Variants in FOLH1 observed in about 807,000 individuals in gnomAD.
FOLH1 encodes glutamate carboxypeptidase 2.
FOLH1 carries 54 observed loss-of-function variants against 93.9 expected under a neutral mutation model. The ratio of observed to expected loss-of-function variants is 0.57; its 90% confidence interval spans 0.46 to 0.72. FOLH1 has a LOEUF of 0.72. Among genes scored for constraint, FOLH1 ranks in the 30% least tolerant of loss-of-function variants. The pLI is 0.00. For missense variants in FOLH1, 571 were observed against 892.5 expected, an observed-to-expected ratio of 0.64 and a Z score of 4.59; for synonymous variants, 249 against 303.6, an observed-to-expected ratio of 0.82 and a Z score of 1.87.
At chr11:49,182,190 A>G (rs1860826202) in intron 7 of FOLH1, among the ~76,000 whole-genome samples, 1 of 151,918 alleles carries the variant, frequency 6.6e-6, no homozygotes, top group Admixed American at 6.6e-5. Flanking sequence ...TCAGCCGGGC[A>G]TAGTGGTGGG....
At chr11:49,178,226 A>G (rs1185869275) in intron 7 of FOLH1, among the ~76,000 whole-genome samples, 1 of 152,194 alleles carries the variant, frequency 6.6e-6, no homozygotes, top group Non-Finnish European at 1.5e-5. Context: ...TCACCAGCTC[A>G]TCTATAAAAC....
At position 49,146,400 on chromosome 11, in the gene FOLH1, G is replaced by A. The variant is rs10839231; in HGVS notation, c.*356C>T. On this transcript the variant is annotated 3_prime_UTR_variant, in exon 19 of 19. Coordinates refer to ENST00000256999, the MANE Select transcript of FOLH1 (RefSeq NM_004476.3). ...GATAATCTTGTGCATATTCCCCAGT[G>A]TGCTCTCTGACATACTGATGTTTTC... is the stretch of plus-strand genomic sequence containing the variant. Among the ~76,000 whole-genome samples, 15,394 of 152,202 alleles carry A rather than the reference G, an allele frequency of 0.1. 1,045 individuals carry two copies. The highest frequency in any genetic ancestry group is 0.14 in the Non-Finnish European group (9,846 of 68,002).
chr11:49,182,103 C>T (rs183084127), intron 7 of FOLH1, among the ~76,000 whole-genome samples: 3 of 151,998 alleles, frequency 2.0e-5, no homozygotes, highest in East Asian at 1.9e-4. Context: ...CCAAGGAGGG[C>T]GGATCACCTG....
chr11:49,199,463 C>T (rs1275605485), intron 3 of FOLH1, among the ~76,000 whole-genome samples: 1 of 152,166 alleles, frequency 6.6e-6, no homozygotes, highest in Non-Finnish European at 1.5e-5. Context: ...CAAATGTCCA[C>T]ACACAAATTC....
chr11:49,167,554 C>T (rs1440334563), intron 12 of FOLH1, among the ~76,000 whole-genome samples: 2 of 152,178 alleles, frequency 1.3e-5, no homozygotes, highest in Non-Finnish European at 2.9e-5. Flanking sequence ...GTGGCTCAGA[C>T]CCGTAATCCT....
At position 49,149,305 on chromosome 11, in the gene FOLH1, A is replaced by C. The variant is rs1856187058; in HGVS notation, c.1971-574T>G. 2.0e-5 allele frequency among the ~76,000 whole-genome samples: 3 copies of C among 152,166 alleles called. No individual in the cohort carries two copies. In the South Asian group the frequency reaches 6.2e-4, roughly 32 times the overall value. Reference sequence around the variant, plus strand: ...TTTCAAGTGATTTTCAGAATGGTTTAAGTACAGCGTTCTTGGAGCCTGATA... The same window carrying C: ...TTTCAAGTGATTTTCAGAATGGTTTCAGTACAGCGTTCTTGGAGCCTGATA... On this transcript the variant is annotated intron_variant, in intron 17 of 18. Coordinates refer to ENST00000256999, the MANE Select transcript of FOLH1 (RefSeq NM_004476.3).
chr11:49,178,281 C>G (rs1329267067), intron 7 of FOLH1, among the ~76,000 whole-genome samples: 2 of 152,180 alleles, frequency 1.3e-5, no homozygotes, highest in Non-Finnish European at 2.9e-5. Context: ...TTTCCGGGAC[C>G]TCTCTCTGCA....
At chr11:49,184,661 CTCTTT>C (rs1220766542) in intron 6 of FOLH1, among the ~76,000 whole-genome samples, 1 of 152,138 alleles carries the variant, frequency 6.6e-6, no homozygotes, top group Non-Finnish European at 1.5e-5. Context: ...AAAATACATA[CTCTTT>C]ACAGGAGTCT....
At chr11:49,203,183 G>A (rs1863471858) in intron 2 of FOLH1, among the ~76,000 whole-genome samples, 1 of 152,182 alleles carries the variant, frequency 6.6e-6, no homozygotes, top group African/African-American at 2.4e-5. Flanking sequence ...GTAAAATTCT[G>A]AGACCAAAAG....
At chr11:49,205,298 C>T (rs1195651285) in intron 2 of FOLH1, among the ~76,000 whole-genome samples, 2 of 151,990 alleles carry the variant, frequency 1.3e-5, no homozygotes, top group East Asian at 1.9e-4. Context: ...TTTTTGGTTG[C>T]TTTTTAAATT....
At chr11:49,159,960 T>C (rs73473153) in intron 13 of FOLH1, among the ~76,000 whole-genome samples, 4,948 of 151,944 alleles carry the variant, frequency 0.033, 91 homozygotes, top group African/African-American at 0.048. Context: ...TCTTGCACTG[T>C]CACCTGAGCT....
intron 12 of FOLH1, among the ~76,000 whole-genome samples, chr11:49,167,245 G>A (rs1039325439): frequency 6.6e-6 from 1 of 152,152 alleles, no homozygotes; most frequent in Non-Finnish European, 1.5e-5. Flanking sequence ...GCAAGGCACA[G>A]GTCTGGGAGA....
In FOLH1 at chr11:49,206,115, T is replaced by C; in HGVS notation, c.176A>G (p.Lys59Arg). 1 of 1,612,716 alleles carries C rather than the reference T, an allele frequency of 6.2e-7. No individual in the cohort carries two copies. Among genetic ancestry groups the C allele is most frequent in the South Asian group, 1.1e-5 (1 of 90,890 alleles). Reference protein sequence around the residue: ...ATNITPKHNMKAFLDELKAEN... With the variant: ...ATNITPKHNMRAFLDELKAEN... ...AGCTTTCAATTCATCCAAAAATGCT[T>C]TCATATTATGCTTTGGAGTAATGTT... The change falls in exon 2 of 19, where the codon AAA (lysine) becomes AGA (arginine). Residue 59 changes from lysine to arginine, a missense_variant. By Grantham distance (26) the Lys-to-Arg change is conservative. Around this residue, in one of 2 missense-constraint regions of FOLH1, gnomAD observed 500 missense variants for 822.9 expected, o/e 0.61. Transcript: ENST00000256999.
chr11:49,155,842 C>T (rs187749552), intron 15 of FOLH1, among the ~76,000 whole-genome samples: 932 of 53,368 alleles, frequency 0.017, 13 homozygotes, highest in African/African-American at 0.045. Context: ...ATATAATCAA[C>T]AACAAAAGAA....
intron 4 of FOLH1, among the ~76,000 whole-genome samples, chr11:49,192,294 G>A (rs112778000): frequency 6.6e-6 from 1 of 152,042 alleles, no homozygotes; most frequent in Non-Finnish European, 1.5e-5. Context: ...GGCCCAAAGT[G>A]CAAAAACATA....
intron 3 of FOLH1, among the ~76,000 whole-genome samples, chr11:49,194,257 T>C (rs1862395892): frequency 6.6e-6 from 1 of 151,478 alleles, no homozygotes; most frequent in Non-Finnish European, 1.5e-5. Flanking sequence ...TCCAGATAAT[T>C]CATAACCCTA....
intron 7 of FOLH1, among the ~76,000 whole-genome samples, chr11:49,180,319 T>C (rs1407715356): frequency 6.6e-6 from 1 of 152,220 alleles, no homozygotes; most frequent in African/African-American, 2.4e-5. Context: ...ATTATCGTCC[T>C]GGAAGTTACT....
chr11:49,207,041 C>T (rs1171535978), intron 1 of FOLH1, among the ~76,000 whole-genome samples: 1 of 152,158 alleles, frequency 6.6e-6, no homozygotes, highest in East Asian at 1.9e-4. Flanking sequence ...TATATACATG[C>T]ATATTAAAAT....
intron 8 of FOLH1, 58 bp from the exon 9 acceptor site, chr11:49,175,035 A>T (rs773417174): frequency 8.0e-6 from 12 of 1,508,468 alleles, no homozygotes; most frequent in Non-Finnish European, 1.0e-5. Context: ...GATTAACACT[A>T]TAAGGTTTAA....
Sources: allele counts gnomAD v4.1 joint callset (sites outside exome capture counted in the v4.1 genomes callset), GRCh38; gene constraint gnomAD v4.1.1; regional missense constraint gnomAD v4.1.1; transcripts MANE v1.5; gene names NCBI Gene and HGNC (gene_info 2026-07-23, HGNC 2026-07-21).